DIAPH2: variants seen among roughly 807,000 people sequenced by gnomAD.
The protein encoded by DIAPH2 is diaphanous related formin 2.
A neutral mutation model predicts 92.7 loss-of-function variants in DIAPH2; 35 were observed. The ratio of observed to expected loss-of-function variants is 0.38; its 90% CI spans 0.29 to 0.50. The LOEUF (loss-of-function observed/expected upper bound fraction) is 0.50, where lower values mean the gene tolerates loss of function less well. DIAPH2 is among the 20% of genes least tolerant of loss of function. The probability of loss-of-function intolerance (pLI) is 0.94; values close to 1 mark genes in which losing one functional copy is unlikely to be tolerated. For missense variants in DIAPH2, 701 were observed against 819.5 expected (o/e 0.86, Z 1.77); for synonymous variants, 301 against 280.4 (o/e 1.07, Z -0.73).
chrX:97,541,415 G>T (rs2070033053), intron 26 of DIAPH2, among the ~76,000 whole-genome samples: 1 of 110,710 alleles, frequency 9.0e-6, no homozygotes, highest in Non-Finnish European at 1.9e-5. Flanking sequence ...GCTAGGAGAA[G>T]GGAAAGCAAA....
At chrX:97,383,845 TG>T in intron 24 of DIAPH2, 63 bp from the exon 25 acceptor site, 2 of 1,003,064 alleles carry the variant, frequency 2.0e-6, no homozygotes. Flanking sequence ...AATTCAAAAC[TG>T]TGCAATGTCT....
intron 4 of DIAPH2, among the ~76,000 whole-genome samples, chrX:96,835,238 C>A (rs191488890): frequency 2.7e-3 from 305 of 111,807 alleles, no homozygotes; most frequent in African/African-American, 9.3e-3. Flanking sequence ...AAGGGAATAA[C>A]AACAAAACCA....
At chrX:96,694,468 G>A (rs1055527972) in intron 1 of DIAPH2, among the ~76,000 whole-genome samples, 3 of 109,984 alleles carry the variant, frequency 2.7e-5, no homozygotes, top group African/African-American at 1.0e-4. Context: ...AGCCTCCCGA[G>A]TACCTGGGAT....
At chrX:96,941,950 A>G in intron 12 of DIAPH2, 68 bp from the exon 13 acceptor site, 1 of 609,595 alleles carries the variant, frequency 1.6e-6, no homozygotes, top group Non-Finnish European at 2.7e-6. Flanking sequence ...AATATGTTGA[A>G]TGTTTTCTAA....
intron 23 of DIAPH2, among the ~76,000 whole-genome samples, chrX:97,330,882 C>T (rs1312771717): frequency 9.0e-6 from 1 of 111,518 alleles, no homozygotes; most frequent in Non-Finnish European, 1.9e-5. Flanking sequence ...TTCTTTATTC[C>T]TTGAAGGACA....
At chrX:97,447,155 G>A (rs2070318558) in intron 26 of DIAPH2, among the ~76,000 whole-genome samples, 2 of 110,893 alleles carry the variant, frequency 1.8e-5, no homozygotes, top group Admixed American at 1.9e-4. Context: ...TTCTTTCATG[G>A]TTTCTGGTTT....
intron 5 of DIAPH2, among the ~76,000 whole-genome samples, chrX:96,899,915 T>G (rs1227639796): frequency 1.8e-5 from 2 of 111,344 alleles, no homozygotes; most frequent in African/African-American, 3.3e-5. Flanking sequence ...AGTACCTAAT[T>G]TATTGAGAGT....
At chrX:96,743,910 G>T (rs1295376541) in intron 3 of DIAPH2, among the ~76,000 whole-genome samples, 1 of 111,764 alleles carries the variant, frequency 8.9e-6, no homozygotes, top group Non-Finnish European at 1.9e-5. Flanking sequence ...ATCCCACAGT[G>T]AGTATATACT....
intron 25 of DIAPH2, among the ~76,000 whole-genome samples, chrX:97,412,292 C>G (rs1051903806): frequency 8.9e-6 from 1 of 111,919 alleles, no homozygotes; most frequent in African/African-American, 3.2e-5. Context: ...ACAACCTGCT[C>G]CTGAATGACT....
chrX:96,973,242 A>G (rs1410053260), intron 17 of DIAPH2, among the ~76,000 whole-genome samples: 1 of 111,668 alleles, frequency 9.0e-6, no homozygotes, highest in Non-Finnish European at 1.9e-5. Context: ...TCATGCCTAT[A>G]ATCTCAGCAC....
intron 4 of DIAPH2, among the ~76,000 whole-genome samples, chrX:96,878,717 T>C (rs1388497659): frequency 9.0e-6 from 1 of 111,259 alleles, no homozygotes; most frequent in East Asian, 2.8e-4. Flanking sequence ...ATGTCCCAAT[T>C]AGACTAATCC....
intron 22 of DIAPH2, among the ~76,000 whole-genome samples, chrX:97,246,982 G>A (rs1300838656): frequency 3.6e-5 from 4 of 111,875 alleles, no homozygotes; most frequent in African/African-American, 1.3e-4. Context: ...TAAAAAGAAG[G>A]TCTCCTGACA....
At chrX:97,246,576 A>G (rs185124725) in intron 22 of DIAPH2, among the ~76,000 whole-genome samples, 216 of 112,321 alleles carry the variant, frequency 1.9e-3, no homozygotes, top group African/African-American at 6.7e-3. Flanking sequence ...CTCCTCATTG[A>G]GTTATAAAGA....
At chrX:97,574,707 G>A (rs1229364828) in intron 26 of DIAPH2, among the ~76,000 whole-genome samples, 1 of 112,292 alleles carries the variant, frequency 8.9e-6, no homozygotes, top group East Asian at 2.8e-4. Context: ...ACATAGGTAT[G>A]AGAGGCTGGA....
At chrX:97,039,125 G>C (rs942789979) in intron 17 of DIAPH2, among the ~76,000 whole-genome samples, 1 of 110,985 alleles carries the variant, frequency 9.0e-6, no homozygotes, top group Non-Finnish European at 1.9e-5. Flanking sequence ...AAATTGATGG[G>C]TGAAAAACTG....
chrX:97,569,852 A>C (rs1020616416), intron 26 of DIAPH2, among the ~76,000 whole-genome samples: 10 of 106,114 alleles, frequency 9.4e-5, no homozygotes, highest in Non-Finnish European at 1.9e-4. Context: ...TATGTGGTTC[A>C]TTACGTTATG....
chrX:97,368,899 CTTTTTTTTT>C (rs386417287), intron 24 of DIAPH2, among the ~76,000 whole-genome samples: 1 of 52,058 alleles, frequency 1.9e-5, no homozygotes, highest in Admixed American at 3.5e-4. Context: ...TCTACCCTTT[CTTTTTTTTT>C]TTTTTTTTTT....
chrX:96,877,974 G>A (rs2065190651), intron 4 of DIAPH2, among the ~76,000 whole-genome samples: 2 of 111,734 alleles, frequency 1.8e-5, no homozygotes, highest in African/African-American at 6.5e-5. Flanking sequence ...AAGATCAAAT[G>A]GGCACAGTGG....
intron 23 of DIAPH2, among the ~76,000 whole-genome samples, chrX:97,301,166 A>AAAAAAG (rs1569356101): frequency 1.9e-5 from 2 of 105,975 alleles, no homozygotes; most frequent in Non-Finnish European, 3.9e-5. Flanking sequence ...AAAAAAAAAA[A>AAAAAAG]AAAAAGAAAA....
Sources: gnomAD v4.1 joint callset for allele counts (sites outside exome capture counted in the v4.1 genomes callset) on GRCh38, gnomAD v4.1.1 for gene constraint, MANE v1.5 for transcripts, NCBI Gene and HGNC (gene_info 2026-07-23, HGNC 2026-07-21) for gene names.